The following EIF3A variants were observed in gnomAD, a reference collection of about 807,000 sequenced individuals.
EIF3A encodes the protein eukaryotic translation initiation factor 3 subunit A.
EIF3A carries 21 observed loss-of-function variants against 186.6 expected under a neutral mutation model. The observed-to-expected ratio is 0.11, with a 90% CI of 0.08 to 0.16. The LOEUF (loss-of-function observed/expected upper bound fraction) is 0.16. EIF3A is among the 10% of genes least tolerant of loss of function. The pLI is 1.00. For missense variants in EIF3A, 1,306 were observed against 1,796.3 expected, an observed-to-expected ratio of 0.73 and a Z score of 4.93; for synonymous variants, 563 against 584.3, an observed-to-expected ratio of 0.96 and a Z score of 0.52.
chr10:119,067,673 CATTT>C (rs1325130563), intron 6 of EIF3A, among the ~76,000 whole-genome samples: 1 of 152,176 alleles, frequency 6.6e-6, no homozygotes, highest in African/African-American at 2.4e-5. Flanking sequence ...TAGTGGGACT[CATTT>C]AATTGGTCCC....
chr10:119,050,624 T>C lies in EIF3A; in HGVS notation c.2370A>G (p.Arg790=). The change falls in exon 16 of 22, where the codon CGA becomes CGG. Residue 790 remains arginine (R), a synonymous_variant. Transcript: ENST00000369144. Reference sequence around the variant, plus strand: ...TACGCTGCCTTTTCCGTTCTTCCAATCGATTATGCCTTTCTTCTGCTAATC... The same window carrying C: ...TACGCTGCCTTTTCCGTTCTTCCAACCGATTATGCCTTTCTTCTGCTAATC... ...EERLAEERHN[R]LEERKRQRKE... is the part of the protein sequence containing the mutation. 1 of 1,614,128 alleles carries C rather than the reference T, an allele frequency of 6.2e-7. No individual in the cohort carries two copies. Among genetic ancestry groups the C allele is most frequent in the South Asian group, 1.1e-5 (1 of 91,086 alleles).
chr10:119,049,462 C>A (rs992829331), intron 17 of EIF3A, among the ~76,000 whole-genome samples: 1 of 137,686 alleles, frequency 7.3e-6, no homozygotes, highest in Non-Finnish European at 1.5e-5. Context: ...CCACTGCACT[C>A]CAGCCTGGGC....
At chr10:119,041,808 A>ATT (rs2119817686) in intron 19 of EIF3A, among the ~76,000 whole-genome samples, 186 bp downstream of exon 19, 1 of 152,328 alleles carries the variant, frequency 6.6e-6, no homozygotes, top group Non-Finnish European at 1.5e-5. Flanking sequence ...GGGTTGGGTT[A>ATT]TTTATGTTTT....
chr10:119,038,299 G>C lies in EIF3A; in HGVS notation c.3667C>G (p.Pro1223Ala). The stretch of plus-strand genomic sequence containing the variant: ...CTCTCTCTGTCCCTTTCTCTCTCAG[G>C]GTCCTTGTCATTCTCCTCCCGATCT... ...NQDREENDKDPERERDRERDV... is the reference protein window; with the variant it reads ...NQDREENDKDAERERDRERDV... The change falls in exon 20 of 22, where the codon CCT (proline) becomes GCT (alanine). Residue 1223 changes from proline (P) to alanine (A), a missense_variant. By Grantham distance (27) the Pro-to-Ala change is conservative. This residue lies in a region of EIF3A where 331 missense variants were observed against 365.8 expected (regional missense o/e 0.90). Coordinates refer to ENST00000369144, the MANE Select transcript of EIF3A (RefSeq NM_003750.4). 2 of 1,613,610 alleles carry C rather than the reference G, an allele frequency of 1.2e-6. No homozygotes were observed. Among genetic ancestry groups the C allele is most frequent in the Non-Finnish European group, 1.7e-6 (2 of 1,179,878 alleles).
At chr10:119,058,981 A>G (rs1843836847) in intron 11 of EIF3A, among the ~76,000 whole-genome samples, 1 of 152,262 alleles carries the variant, frequency 6.6e-6, no homozygotes, top group Non-Finnish European at 1.5e-5. Flanking sequence ...TTTCTGTAAC[A>G]TAATCCACCC....
At position 119,037,113 on chromosome 10, in the gene EIF3A, C is replaced by G; in HGVS notation, c.3919+6G>C. ...CCAATACTTCAGTTGTATGTAACCT[C>G]TATACCTTCTTCACGTTCTGATCTG... On this transcript the variant is annotated splice_donor_region_variant and intron_variant, in intron 21 of 21. Transcript: ENST00000369144. 1 of 1,334,382 alleles carries G rather than the reference C, an allele frequency of 7.5e-7. No individual in the cohort carries two copies. Among genetic ancestry groups the G allele is most frequent in the Non-Finnish European group, 1.0e-6 (1 of 994,132 alleles). 82.7% of individuals were successfully genotyped at this position (1,334,382 alleles called of 1,614,324 possible).
At chr10:119,068,971 CAAAAAAA>C (rs59413780) in intron 6 of EIF3A, among the ~76,000 whole-genome samples, 30 of 99,010 alleles carry the variant, frequency 3.0e-4, no homozygotes, top group South Asian at 1.5e-3. Context: ...CTCTGTCTTG[CAAAAAAA>C]AAAAAAAAAA....
chr10:119,072,037 AAAAAAAAAAG>A (rs1799709940), intron 4 of EIF3A, among the ~76,000 whole-genome samples: 1 of 141,762 alleles, frequency 7.1e-6, no homozygotes, highest in African/African-American at 2.8e-5. Flanking sequence ...AAAAAAAAAA[AAAAAAAAAAG>A]AAAGAAAAAA....
At chr10:119,080,243 C>A (rs1240988208) in intron 1 of EIF3A, 2 of 908,372 alleles carry the variant, frequency 2.2e-6, no homozygotes, top group East Asian at 1.2e-4. Context: ...CCCGGCACTC[C>A]CAGATGGCGG....
chr10:119,053,140 T>G (rs1848380776), intron 14 of EIF3A, among the ~76,000 whole-genome samples: 1 of 152,184 alleles, frequency 6.6e-6, no homozygotes, highest in Non-Finnish European at 1.5e-5. Flanking sequence ...ACAGGGGGCT[T>G]AAAATATTCA....
rs913612122 is a variant in EIF3A, at chr10:119,080,265, G to A, written c.49+363C>T. The A allele has an allele frequency of 4.1e-6, 4 of 971,540 alleles. No individual in the cohort carries two copies. In the African/African-American group the frequency reaches 7.0e-5, roughly 17 times the overall value. 60.2% of individuals were successfully genotyped at this position (971,540 alleles called of 1,614,324 possible). A position where few individuals can be genotyped will look rare whatever the true frequency, so the allele number is the denominator to read the frequency against. On this transcript the variant is annotated intron_variant, in intron 1 of 21. Transcript: ENST00000369144. ...CTCCCAGATGGCGGCCGGGGACGCG[G>A]GCCCTAAGCAGACCAAAGCCCCAGG...
intron 11 of EIF3A, among the ~76,000 whole-genome samples, 154 bp downstream of exon 11, chr10:119,059,058 A>C (rs765812420): frequency 8.5e-5 from 13 of 152,228 alleles, no homozygotes; most frequent in Admixed American, 5.9e-4. Context: ...TGTGTATTTG[A>C]TCAAATAACA....
chr10:119,052,825 C>A (rs868679476), intron 14 of EIF3A, among the ~76,000 whole-genome samples: 9 of 152,300 alleles, frequency 5.9e-5, no homozygotes, highest in Middle Eastern at 3.4e-3. Context: ...CCTCCTCCCA[C>A]GAATCACAAA....
intron 19 of EIF3A, among the ~76,000 whole-genome samples, chr10:119,041,178 A>C (rs1848203622): frequency 6.6e-6 from 1 of 152,060 alleles, no homozygotes; most frequent in African/African-American, 2.4e-5. Context: ...ACTCCACCTC[A>C]AAAAGAAAAA....
In EIF3A at chr10:119,057,818, T is replaced by A. The variant is rs565255205; in HGVS notation, c.1977+138A>T. On this transcript the variant is annotated intron_variant, in intron 12 of 21. Coordinates refer to ENST00000369144, the MANE Select transcript of EIF3A (RefSeq NM_003750.4). ...CACAGAGCAATAAACATATGCTTAC[T>A]CACAGATTTAGTCATGACCAGCTGT... 9 of 679,706 alleles carry A rather than the reference T, an allele frequency of 1.3e-5. No homozygotes were observed. In the East Asian group the frequency reaches 2.3e-4, roughly 17 times the overall value. 42.1% of individuals were successfully genotyped at this position (679,706 alleles called of 1,614,324 possible).
At position 119,042,150 on chromosome 10, in the gene EIF3A, C is replaced by T. The variant is rs756841124; in HGVS notation, c.3370G>A (p.Asp1124Asn). The T allele has an allele frequency of 1.9e-6, 3 of 1,614,158 alleles. No individual in the cohort carries two copies. The highest frequency in any genetic ancestry group is 1.7e-5 in the Admixed American group (1 of 60,006). The change falls in exon 19 of 22, where the codon GAT (aspartate) becomes AAT (asparagine). Residue 1124 changes from aspartate (D) to asparagine (N), a missense_variant. Around this residue, in one of 8 missense-constraint regions of EIF3A, gnomAD observed 331 missense variants for 365.8 expected, o/e 0.90. Coordinates refer to ENST00000369144, the MANE Select transcript of EIF3A (RefSeq NM_003750.4). This position sits in a 1 kb window ranked among gnomAD's most constrained non-coding sequence, Gnocchi z 7.8. ...CCACGCCTGGGAATTCTGTCATCAT[C>T]GGCGTTCCTCCAAGGTCCTCGATCA... is the stretch of plus-strand genomic sequence containing the variant. ...DDDRGPWRNA[D>N]DDRIPRRGAE...
rs1279274424 is a variant in EIF3A, at chr10:119,034,531, A to G, written c.*1508T>C. 1 of 152,236 alleles carries G rather than the reference A, an allele frequency of 6.6e-6. No individual in the cohort carries two copies. The highest frequency in any genetic ancestry group is 2.4e-5 in the African/African-American group (1 of 41,466). The allele number at this position is 152,236 out of a possible 1,614,324, so 9.4% of individuals were successfully genotyped here. A position where few individuals can be genotyped will look rare whatever the true frequency, so the allele number is the denominator to read the frequency against. On this transcript the variant is annotated 3_prime_UTR_variant, in exon 22 of 22. Transcript: ENST00000369144. ...CCACGAAAGACCTTTAAAGACTTCTACGTATTTGAAATACCAGATACTAAG... is the reference window on the plus strand; with the variant it reads ...CCACGAAAGACCTTTAAAGACTTCTGCGTATTTGAAATACCAGATACTAAG...
At chr10:119,072,653 C>A (rs1165645919) in intron 4 of EIF3A, among the ~76,000 whole-genome samples, 3 of 152,148 alleles carry the variant, frequency 2.0e-5, no homozygotes, top group Non-Finnish European at 1.5e-5. Context: ...AGGGGCTTCA[C>A]CATGTTGGCC....
rs953486295 is a variant in EIF3A at position 119,072,206 on chromosome 10, T to C, written c.541+684A>G. On this transcript the variant is annotated intron_variant, in intron 4 of 21. Coordinates refer to ENST00000369144, the MANE Select transcript of EIF3A (RefSeq NM_003750.4). ...CTCTTTTTTAAAAACTAAAAATAAA[T>C]TAAAAAAAAAAAAAAAAGTAGAGAA... 6.3e-3 allele frequency among the ~76,000 whole-genome samples: 481 copies of C among 76,398 alleles called. 19 individuals carry two copies. The East Asian group carries it at 0.1, about 16-fold the overall frequency. 50.1% of individuals were successfully genotyped at this position (76,398 alleles called of 152,430 possible).
Sources: gnomAD v4.1 joint callset for allele counts (sites outside exome capture counted in the v4.1 genomes callset) on GRCh38, gnomAD v4.1.1 for gene constraint, gnomAD v4.1.1 regional missense constraint, Gnocchi (gnomAD v3.1) non-coding constraint, MANE v1.5 for transcripts, NCBI Gene and HGNC (gene_info 2026-07-23, HGNC 2026-07-21) for gene names.